The following FAM13B variants were observed in gnomAD, a reference collection of about 807,000 sequenced individuals.
FAM13B encodes family with sequence similarity 13 member B.
Under a neutral mutation model 117.3 loss-of-function variants are expected in FAM13B, and 60 were observed. The observed-to-expected ratio is 0.51, with a 90% CI of 0.42 to 0.63. FAM13B has a LOEUF of 0.63. FAM13B is among the 30% of genes least tolerant of loss of function. The pLI is 0.00. For missense variants in FAM13B, 972 were observed against 1,091.9 expected (o/e 0.89, Z 1.55); for synonymous variants, 332 against 356.1 (o/e 0.93, Z 0.76).
intron 8 of FAM13B, 90 bp downstream of exon 8, chr5:137,988,184 A>G (rs1347432369): frequency 7.0e-6 from 7 of 997,264 alleles, no homozygotes; most frequent in South Asian, 5.2e-5. Flanking sequence ...TCTTTCCTCT[A>G]AAGTGAGCAC....
intron 6 of FAM13B, among the ~76,000 whole-genome samples, chr5:138,008,069 A>G (rs1204971818): frequency 6.6e-6 from 1 of 152,212 alleles, no homozygotes; most frequent in Non-Finnish European, 1.5e-5. Context: ...GTAAAACTGC[A>G]ACCAAAAGAA....
chr5:137,942,311 T>A, intron 22 of FAM13B: 1 of 426,278 alleles, frequency 2.3e-6, no homozygotes, highest in Non-Finnish European at 4.2e-6. Context: ...AACAAAAAGA[T>A]CAACTCGCAA....
At chr5:137,974,167 G>A (rs1773183822) in intron 10 of FAM13B, among the ~76,000 whole-genome samples, 1 of 150,482 alleles carries the variant, frequency 6.6e-6, no homozygotes, top group Admixed American at 6.6e-5. Flanking sequence ...TATGTTTATT[G>A]CAGCATTATT....
At chr5:138,023,600 T>C (rs1787371738) in intron 1 of FAM13B, among the ~76,000 whole-genome samples, 1 of 152,178 alleles carries the variant, frequency 6.6e-6, no homozygotes, top group South Asian at 2.1e-4. Flanking sequence ...TTTTCTTTTT[T>C]TGAGACAGGC....
intron 10 of FAM13B, among the ~76,000 whole-genome samples, chr5:137,983,711 T>G (rs1466235901): frequency 1.3e-5 from 2 of 152,194 alleles, no homozygotes; most frequent in Admixed American, 6.5e-5. Context: ...TTCTTTGAAA[T>G]GTCTTCTAGT....
chr5:137,975,980 C>CTTTTG (rs1554072229), intron 10 of FAM13B, among the ~76,000 whole-genome samples: 1 of 110,206 alleles, frequency 9.1e-6, no homozygotes, highest in African/African-American at 3.7e-5. Context: ...TCAACTCTTC[C>CTTTTG]TTTTTTTTTT....
chr5:138,031,474 G>A lies in FAM13B; in HGVS notation c.-203+1308C>T, dbSNP rs147282040. Among the ~76,000 whole-genome samples, 947 of 152,166 alleles carry A rather than the reference G, an allele frequency of 6.2e-3. 13 individuals are homozygous for A. Among genetic ancestry groups the A allele is most frequent in the African/African-American group, 0.022 (913 of 41,496 alleles). On this transcript the variant is annotated intron_variant, in intron 1 of 23. Transcript: ENST00000689681. ...AGGCTGAGGCAGGCGGATCACTTGA[G>A]GTCAGTTCAAGACCAGCCTGGCCAA...
chr5:138,031,722 A>C (rs1029192674), intron 1 of FAM13B, among the ~76,000 whole-genome samples: 1 of 151,954 alleles, frequency 6.6e-6, no homozygotes, highest in Non-Finnish European at 1.5e-5. Flanking sequence ...CTCCCAATGG[A>C]TATACAAATA....
intron 2 of FAM13B, 120 bp downstream of exon 2, chr5:138,020,911 A>G: frequency 1.9e-6 from 1 of 535,576 alleles, no homozygotes; most frequent in Non-Finnish European, 2.8e-6. Context: ...TCTTCAATGT[A>G]TCTGGTGCCA....
chr5:138,005,930 GCT>G (rs1456232575), intron 7 of FAM13B, among the ~76,000 whole-genome samples: 3 of 135,262 alleles, frequency 2.2e-5, no homozygotes, highest in African/African-American at 8.4e-5. Context: ...ACGGAGTTTT[GCT>G]CTGTCGCCCA....
At chr5:138,023,545 G>C (rs976267923) in intron 1 of FAM13B, among the ~76,000 whole-genome samples, 1 of 152,102 alleles carries the variant, frequency 6.6e-6, no homozygotes, top group African/African-American at 2.4e-5. Flanking sequence ...ACAATTTATA[G>C]TATGATAGAA....
intron 7 of FAM13B, among the ~76,000 whole-genome samples, chr5:138,002,345 A>G (rs1284941770): frequency 1.3e-5 from 2 of 152,122 alleles, no homozygotes; most frequent in African/African-American, 2.4e-5. Flanking sequence ...AGCCTGGCCA[A>G]TGTGGTGAAA....
rs994560198 is a variant in FAM13B at position 137,938,157 on chromosome 5, A to G, written c.*2068T>C. On this transcript the variant is annotated 3_prime_UTR_variant, in exon 24 of 24. Transcript: ENST00000689681. ...CTCAACTATGACACACAATACTGTC[A>G]CAGAGCATAAGTGCTGCCATGCCAC... 1.3e-5 allele frequency: 2 copies of G among 152,560 alleles called. No homozygotes were observed. The highest frequency in any genetic ancestry group is 2.9e-5 in the Non-Finnish European group (2 of 68,028). 9.5% of individuals were successfully genotyped at this position (152,560 alleles called of 1,614,324 possible).
intron 7 of FAM13B, among the ~76,000 whole-genome samples, chr5:137,994,076 C>T (rs1247639447): frequency 6.6e-6 from 1 of 152,112 alleles, no homozygotes; most frequent in East Asian, 1.9e-4. Flanking sequence ...GGTAGTTGAT[C>T]TTTTTTGCTT....
chr5:138,002,112 T>TA (rs1480461740), intron 7 of FAM13B, among the ~76,000 whole-genome samples: 1 of 152,204 alleles, frequency 6.6e-6, no homozygotes, highest in Non-Finnish European at 1.5e-5. Flanking sequence ...TAAATGATCT[T>TA]AGTTTTTAAA....
chr5:138,019,197 A>C, intron 2 of FAM13B, 51 bp from the exon 3 acceptor site: 1 of 1,491,126 alleles, frequency 6.7e-7, no homozygotes, highest in Non-Finnish European at 9.1e-7. Context: ...ACAGGTGGCA[A>C]TATGACTAGA....
intron 1 of FAM13B, among the ~76,000 whole-genome samples, chr5:138,024,878 G>GT (rs757114555): frequency 2.7e-3 from 320 of 119,468 alleles, no homozygotes; most frequent in East Asian, 4.4e-3. Context: ...TTTTTTGTTT[G>GT]TTTTTTTTTT....
chr5:137,991,823 T>A (rs1298831254), intron 7 of FAM13B, among the ~76,000 whole-genome samples: 4 of 152,148 alleles, frequency 2.6e-5, no homozygotes, highest in Non-Finnish European at 5.9e-5. Context: ...AATAAAGCTG[T>A]AAGAAGATAA....
intron 13 of FAM13B, among the ~76,000 whole-genome samples, chr5:137,959,082 A>C (rs987760778): frequency 6.6e-6 from 1 of 152,202 alleles, no homozygotes; most frequent in Non-Finnish European, 1.5e-5. Context: ...TGCTTGTTAA[A>C]TTTTAACTTC....
Sources: gnomAD v4.1 joint callset for allele counts (sites outside exome capture counted in the v4.1 genomes callset) on GRCh38, gnomAD v4.1.1 for gene constraint, MANE v1.5 for transcripts, NCBI Gene and HGNC (gene_info 2026-07-23, HGNC 2026-07-21) for gene names.